PCSK5: variants seen among roughly 807,000 people sequenced by gnomAD.
PCSK5 encodes the protein prohormone convertase 5.
A neutral mutation model predicts 233.2 loss-of-function variants in PCSK5; 129 were observed. The ratio of observed to expected loss-of-function variants is 0.55; its 90% CI spans 0.48 to 0.64. The LOEUF (loss-of-function observed/expected upper bound fraction) is 0.64. Among genes scored for constraint, PCSK5 ranks in the 30% least tolerant of loss-of-function variants. The pLI is 0.00. For missense variants in PCSK5, 2,076 were observed against 2,430.1 expected, an observed-to-expected ratio of 0.85 and a Z score of 3.06; for synonymous variants, 825 against 879.2, an observed-to-expected ratio of 0.94 and a Z score of 1.09.
intron 2 of PCSK5, among the ~76,000 whole-genome samples, chr9:75,958,367 G>T (rs1005509874): frequency 1.3e-5 from 2 of 152,202 alleles, no homozygotes; most frequent in African/African-American, 4.8e-5. Flanking sequence ...CAGCTCAGGG[G>T]AGGAGAATGA....
chr9:76,212,818 T>C (rs1030608010), intron 20 of PCSK5, among the ~76,000 whole-genome samples: 2 of 152,246 alleles, frequency 1.3e-5, no homozygotes, highest in African/African-American at 4.8e-5. Context: ...GTTATTTTTA[T>C]ATTTTTTTGC....
intron 17 of PCSK5, among the ~76,000 whole-genome samples, chr9:76,188,292 G>C (rs1564092409): frequency 6.7e-6 from 1 of 149,574 alleles, no homozygotes; most frequent in South Asian, 2.1e-4. Flanking sequence ...GTAAGATGTT[G>C]CGCAAAGTAG....
At chr9:75,930,672 T>G (rs958990354) in intron 1 of PCSK5, among the ~76,000 whole-genome samples, 1 of 152,122 alleles carries the variant, frequency 6.6e-6, no homozygotes, top group Non-Finnish European at 1.5e-5. Flanking sequence ...AAAACAGATA[T>G]GAGAGGGGGT....
At chr9:76,041,106 A>G (rs945724588) in intron 5 of PCSK5, among the ~76,000 whole-genome samples, 4 of 152,166 alleles carry the variant, frequency 2.6e-5, no homozygotes, top group Non-Finnish European at 4.4e-5. Flanking sequence ...CTCTTCCTCA[A>G]ACAAACCAAA....
In PCSK5 at chr9:76,184,712, C is replaced by T; in HGVS notation, c.2237C>T (p.Thr746Ile). ...CGGAAATGCAGTGAAAACTGCAAGACATGTACTGAATTCCATAACTGTACA... is the reference window on the plus strand; with the variant it reads ...CGGAAATGCAGTGAAAACTGCAAGATATGTACTGAATTCCATAACTGTACA... ...LCRKCSENCKTCTEFHNCTEC... is the reference protein window; with the variant it reads ...LCRKCSENCKICTEFHNCTEC... Residue 746 changes from threonine (T) to isoleucine (I), a missense_variant, in exon 17 of 38, where the codon ACA becomes ATA. Thr to Ile is a moderately conservative substitution (Grantham distance 89). Around this residue, in one of 6 missense-constraint regions of PCSK5, gnomAD observed 1,510 missense variants for 1,538.1 expected, o/e 0.98. Coordinates refer to ENST00000674117, the MANE Select transcript of PCSK5 (RefSeq NM_001372043.1). The T allele has an allele frequency of 6.2e-7, 1 of 1,611,582 alleles. No homozygotes were observed. The highest frequency in any genetic ancestry group is 1.1e-5 in the South Asian group (1 of 90,964).
intron 1 of PCSK5, among the ~76,000 whole-genome samples, chr9:75,902,727 A>G (rs1434866820): frequency 2.0e-5 from 3 of 152,222 alleles, no homozygotes; most frequent in African/African-American, 4.8e-5. Flanking sequence ...TCCACTGGGC[A>G]GATAAACATG....
intron 3 of PCSK5, among the ~76,000 whole-genome samples, chr9:76,010,483 C>T (rs1161470503): frequency 6.6e-6 from 1 of 152,048 alleles, no homozygotes; most frequent in Non-Finnish European, 1.5e-5. Flanking sequence ...TTCACTATGC[C>T]CTTTCTTCCC....
chr9:76,350,343 C>G (rs556819786), intron 35 of PCSK5, among the ~76,000 whole-genome samples: 17 of 152,186 alleles, frequency 1.1e-4, no homozygotes, highest in African/African-American at 4.1e-4. Flanking sequence ...TCATCACCAC[C>G]CCAAAATTAA....
At chr9:76,003,305 C>T (rs747125443) in intron 3 of PCSK5, among the ~76,000 whole-genome samples, 2 of 152,104 alleles carry the variant, frequency 1.3e-5, no homozygotes, top group Admixed American at 6.5e-5. Flanking sequence ...CCTGGGAAGT[C>T]GAGGTTTCAG....
At chr9:76,295,211 A>T in intron 25 of PCSK5, 64 bp from the exon 26 acceptor site, 1 of 1,435,564 alleles carries the variant, frequency 7.0e-7, no homozygotes, top group Non-Finnish European at 9.6e-7. Flanking sequence ...TAAGGAGATT[A>T]AATTATGGTG....
chr9:76,185,001 TA>T (rs1260539502), intron 17 of PCSK5, among the ~76,000 whole-genome samples: 2 of 152,200 alleles, frequency 1.3e-5, no homozygotes, highest in Non-Finnish European at 2.9e-5. Context: ...ATGGCTCAGA[TA>T]AAACTCAATA....
At chr9:76,169,582 G>T in intron 12 of PCSK5, 122 bp from the exon 13 acceptor site, 1 of 731,878 alleles carries the variant, frequency 1.4e-6, no homozygotes, top group South Asian at 2.1e-5. Flanking sequence ...CCAGGATGCA[G>T]ACCAGCTCTA....
chr9:75,924,003 T>C (rs1050664874), intron 1 of PCSK5, among the ~76,000 whole-genome samples: 2 of 152,172 alleles, frequency 1.3e-5, no homozygotes, highest in African/African-American at 4.8e-5. Context: ...AGGACCCTTG[T>C]GATGATATTA....
At chr9:76,035,433 ACTC>A (rs1334021545) in intron 5 of PCSK5, among the ~76,000 whole-genome samples, 1 of 151,980 alleles carries the variant, frequency 6.6e-6, no homozygotes, top group East Asian at 1.9e-4. Context: ...AGCCTTCAGA[ACTC>A]CTTGTTTTTC....
At chr9:76,350,988 T>A (rs1305639953) in intron 36 of PCSK5, 60 bp downstream of exon 36, 12 of 809,584 alleles carry the variant, frequency 1.5e-5, no homozygotes, top group Non-Finnish European at 2.3e-5. Context: ...ATGAGCTTAC[T>A]TCCTGCATGT....
chr9:76,225,389 TTTCAGCTTCTATGAACC>T (rs1825856294), intron 20 of PCSK5, among the ~76,000 whole-genome samples: 1 of 152,196 alleles, frequency 6.6e-6, no homozygotes, highest in African/African-American at 2.4e-5. Flanking sequence ...TTTGTGAGGT[TTTCAGCTTCTATGAACC>T]TCTCCATTCT....
chr9:76,279,563 C>T (rs1006458009), intron 24 of PCSK5, among the ~76,000 whole-genome samples: 27 of 151,926 alleles, frequency 1.8e-4, no homozygotes, highest in Non-Finnish European at 3.8e-4. Flanking sequence ...TCCACATCCT[C>T]TCCAGCACCT....
chr9:76,138,367 T>A (rs969548522), intron 10 of PCSK5, among the ~76,000 whole-genome samples: 6 of 152,206 alleles, frequency 3.9e-5, no homozygotes, highest in East Asian at 1.9e-4. Context: ...TTCTGTGGTG[T>A]CTGATGTGTA....
chr9:76,023,623 A>T, intron 3 of PCSK5, 115 bp from the exon 4 acceptor site: 1 of 938,166 alleles, frequency 1.1e-6, no homozygotes, highest in Non-Finnish European at 1.6e-6. Flanking sequence ...TCATCACACT[A>T]CTACACTCCA....
Sources: allele counts gnomAD v4.1 joint callset (sites outside exome capture counted in the v4.1 genomes callset), GRCh38; gene constraint gnomAD v4.1.1; regional missense constraint gnomAD v4.1.1; transcripts MANE v1.5; gene names NCBI Gene and HGNC (gene_info 2026-07-23, HGNC 2026-07-21).